The following NCOA1 variants were observed in gnomAD, a reference collection of about 807,000 sequenced individuals.
NCOA1 encodes the protein nuclear receptor coactivator 1.
A neutral mutation model predicts 150.9 loss-of-function variants in NCOA1; 35 were observed. That is an observed-to-expected ratio of 0.23 (90% CI 0.18 to 0.31). The LOEUF is 0.31. NCOA1 is among the 10% of genes least tolerant of loss of function. The pLI is 1.00. For missense variants in NCOA1, 1,491 were observed against 1,749.3 expected (o/e 0.85, Z 2.63); for synonymous variants, 590 against 630.0 (o/e 0.94, Z 0.95).
At chr2:24,706,374 GGTGCTAATATTTTACAGTA>G (rs1295299283) in intron 12 of NCOA1, among the ~76,000 whole-genome samples, 175 bp from the exon 13 acceptor site, 1 of 151,826 alleles carries the variant, frequency 6.6e-6, no homozygotes, top group African/African-American at 2.4e-5. Context: ...CTTATTAAGT[GGTGCTAATATTTTACAGTA>G]GTTTTTTCTT....
At chr2:24,712,978 G>T (rs953750112) in intron 14 of NCOA1, among the ~76,000 whole-genome samples, 1 of 151,998 alleles carries the variant, frequency 6.6e-6, no homozygotes, top group Admixed American at 6.6e-5. Flanking sequence ...GCCTGTAATC[G>T]TGCACTTTGG....
intron 1 of NCOA1, among the ~76,000 whole-genome samples, chr2:24,551,026 C>T (rs1465867111): frequency 2.0e-5 from 3 of 146,810 alleles, no homozygotes; most frequent in African/African-American, 5.1e-5. Flanking sequence ...ACCTGGGAGG[C>T]GGAGGTTGCA....
intron 19 of NCOA1, among the ~76,000 whole-genome samples, chr2:24,749,560 G>T (rs528447551): frequency 3.0e-4 from 45 of 152,160 alleles, no homozygotes; most frequent in Admixed American, 2.8e-3. Flanking sequence ...AATTCAGGGG[G>T]TATCAAGTAG....
chr2:24,761,128 G>A (rs1359048998), intron 21 of NCOA1, among the ~76,000 whole-genome samples: 4 of 152,160 alleles, frequency 2.6e-5, no homozygotes, highest in Admixed American at 2.6e-4. Flanking sequence ...GATTATAGGC[G>A]TGAGCCACCA....
intron 1 of NCOA1, among the ~76,000 whole-genome samples, chr2:24,517,122 C>A (rs1046388994): frequency 2.6e-5 from 4 of 151,326 alleles, no homozygotes; most frequent in Non-Finnish European, 4.4e-5. Flanking sequence ...GTCTAGGCCC[C>A]ATGTTTTCCT....
At chr2:24,502,696 C>G (rs1663515602) in intron 1 of NCOA1, among the ~76,000 whole-genome samples, 1 of 152,158 alleles carries the variant, frequency 6.6e-6, no homozygotes, top group South Asian at 2.1e-4. Context: ...TTTTTGTCCT[C>G]TAAACATCTC....
At chr2:24,514,810 G>A (rs1405773987) in intron 1 of NCOA1, among the ~76,000 whole-genome samples, 1 of 152,030 alleles carries the variant, frequency 6.6e-6, no homozygotes, top group Non-Finnish European at 1.5e-5. Flanking sequence ...CGTATAAATA[G>A]ATAAATTTAT....
At chr2:24,742,900 T>C (rs1663683574) in intron 19 of NCOA1, among the ~76,000 whole-genome samples, 1 of 152,252 alleles carries the variant, frequency 6.6e-6, no homozygotes, top group Non-Finnish European at 1.5e-5. Flanking sequence ...CTCAGACTAC[T>C]CATTGGTGTC....
In NCOA1 at chr2:24,537,239, T is replaced by TACACACAC. The variant is rs36086647; in HGVS notation, c.-395-27034_-395-27027dup. ...AAATCAATAAGGTAACTGTGATACATACACACACACACACACACACACACA... is the reference window on the plus strand; with the variant it reads ...AAATCAATAAGGTAACTGTGATACATACACACACACACACACACACACACACACACACA... On this transcript the variant is annotated intron_variant, in intron 1 of 22. Transcript: ENST00000348332. 6.5e-3 allele frequency among the ~76,000 whole-genome samples: 962 copies of TACACACAC among 148,750 alleles called. 2 individuals carry two copies. The highest frequency in any genetic ancestry group is 0.015 in the South Asian group (70 of 4,656).
intron 20 of NCOA1, among the ~76,000 whole-genome samples, chr2:24,753,561 C>A (rs1367976248): frequency 6.6e-6 from 1 of 152,198 alleles, no homozygotes; most frequent in African/African-American, 2.4e-5. Flanking sequence ...CTTTTCAGTG[C>A]CAAAAGCAAT....
intron 1 of NCOA1, among the ~76,000 whole-genome samples, chr2:24,549,198 T>C (rs1665728228): frequency 6.6e-6 from 1 of 152,222 alleles, no homozygotes; most frequent in African/African-American, 2.4e-5. Flanking sequence ...CAACACCATG[T>C]GTAAGCTGCT....
intron 13 of NCOA1, among the ~76,000 whole-genome samples, chr2:24,709,102 T>C (rs1260764511): frequency 2.0e-5 from 3 of 152,226 alleles, no homozygotes; most frequent in Non-Finnish European, 4.4e-5. Flanking sequence ...GTCTCGTGTT[T>C]CTTGGTACAA....
intron 2 of NCOA1, among the ~76,000 whole-genome samples, chr2:24,578,172 C>T (rs1272401788): frequency 4.6e-5 from 7 of 152,032 alleles, no homozygotes; most frequent in African/African-American, 1.7e-4. Flanking sequence ...TTAAGAAAAT[C>T]TAGTTTAGTA....
intron 4 of NCOA1, among the ~76,000 whole-genome samples, chr2:24,648,074 T>G (rs1670554972): frequency 6.6e-6 from 1 of 152,170 alleles, no homozygotes; most frequent in Non-Finnish European, 1.5e-5. Context: ...CCACATTTAG[T>G]GTTAGCATTA....
intron 17 of NCOA1, among the ~76,000 whole-genome samples, chr2:24,732,952 G>GA (rs1000651685): frequency 2.0e-5 from 3 of 151,948 alleles, no homozygotes; most frequent in Admixed American, 1.3e-4. Flanking sequence ...TAAAAAGGGG[G>GA]AAAAAATACT....
chr2:24,689,511 A>G (rs1672564115), intron 8 of NCOA1, among the ~76,000 whole-genome samples: 1 of 151,890 alleles, frequency 6.6e-6, no homozygotes, highest in African/African-American at 2.4e-5. Context: ...CAGGCTCCCA[A>G]GTAGCTGGGA....
chr2:24,648,575 T>C (rs1020613691), intron 4 of NCOA1, among the ~76,000 whole-genome samples: 3 of 152,132 alleles, frequency 2.0e-5, no homozygotes, highest in Non-Finnish European at 4.4e-5. Context: ...CCAGCCCTCA[T>C]ATTGTGATTT....
intron 3 of NCOA1, 95 bp from the exon 4 acceptor site, chr2:24,643,871 T>C (rs1670345576): frequency 6.6e-6 from 1 of 152,228 alleles, no homozygotes; most frequent in Non-Finnish European, 1.5e-5. Flanking sequence ...GCATTTTTTT[T>C]TCTTTTTCTA....
At chr2:24,634,328 A>T (rs1047762334) in intron 3 of NCOA1, among the ~76,000 whole-genome samples, 2 of 152,152 alleles carry the variant, frequency 1.3e-5, no homozygotes, top group Non-Finnish European at 2.9e-5. Flanking sequence ...ATTCTGAGTG[A>T]TAGATCATAG....
Sources: allele counts gnomAD v4.1 joint callset (sites outside exome capture counted in the v4.1 genomes callset), GRCh38; gene constraint gnomAD v4.1.1; transcripts MANE v1.5; gene names NCBI Gene and HGNC (gene_info 2026-07-23, HGNC 2026-07-21).